The following CYFIP2 variants were observed in gnomAD, a reference collection of about 807,000 sequenced individuals.
CYFIP2 encodes the protein cytoplasmic FMR1 interacting protein 2, also known as cytoplasmic FMR1-interacting protein 2.
A neutral mutation model predicts 158.7 loss-of-function variants in CYFIP2; 29 were observed. The ratio of observed to expected loss-of-function variants is 0.18; its 90% CI spans 0.14 to 0.25. The LOEUF is 0.25. Among genes scored for constraint, CYFIP2 ranks in the 10% least tolerant of loss-of-function variants. The probability of loss-of-function intolerance (pLI) is 1.00; values close to 1 mark genes in which losing one functional copy is unlikely to be tolerated. For missense variants in CYFIP2, 852 were observed against 1,639.5 expected (o/e 0.52, Z 8.29); for synonymous variants, 585 against 617.6 (o/e 0.95, Z 0.78).
chr5:157,353,671 G>A (rs957365515), intron 23 of CYFIP2, among the ~76,000 whole-genome samples: 2 of 152,126 alleles, frequency 1.3e-5, no homozygotes, highest in Non-Finnish European at 2.9e-5. Flanking sequence ...TTTTGCCGTC[G>A]CCTTTATTTA....
intron 23 of CYFIP2, chr5:157,341,878 A>G (rs1486430191): frequency 6.6e-6 from 1 of 152,212 alleles, no homozygotes; most frequent in East Asian, 1.9e-4. Flanking sequence ...TCTGGTCAAG[A>G]CAATTTTCTC....
chr5:157,336,899 G>A (rs114722819), intron 21 of CYFIP2, among the ~76,000 whole-genome samples: 289 of 152,326 alleles, frequency 1.9e-3, no homozygotes, highest in African/African-American at 6.7e-3. Context: ...CAGAAATATC[G>A]TCTGGGTTAC....
At position 157,394,502 on chromosome 5, in the gene CYFIP2, T is replaced by A. The variant is rs1767594602; in HGVS notation, c.*1502T>A. 1 of 152,208 alleles carries A rather than the reference T, an allele frequency of 6.6e-6. No individual in the cohort carries two copies. The allele number at this position is 152,208 out of a possible 1,614,324, so 9.4% of individuals were successfully genotyped here. On this transcript the variant is annotated 3_prime_UTR_variant, in exon 31 of 31. Transcript: ENST00000620254. ...CCTCCGGTGAGGAAAGGGGGCCACA[T>A]ATGAAAGGCCCCTTAGGTCAGATCC... is the stretch of plus-strand genomic sequence containing the variant.
At chr5:157,325,001 A>G (rs1760906888) in intron 16 of CYFIP2, 1 of 151,484 alleles carries the variant, frequency 6.6e-6, no homozygotes, top group Non-Finnish European at 1.5e-5. Context: ...TATTATTATT[A>G]TTATTTTTTG....
chr5:157,319,118 G>C (rs955847102), intron 13 of CYFIP2, among the ~76,000 whole-genome samples: 4 of 152,176 alleles, frequency 2.6e-5, no homozygotes, highest in Admixed American at 2.0e-4. Flanking sequence ...GGTCCCAAAA[G>C]AGCGAGCCAA....
intron 13 of CYFIP2, among the ~76,000 whole-genome samples, chr5:157,316,075 G>C (rs56686215): frequency 0.11 from 17,313 of 151,278 alleles, 1,475 homozygotes; most frequent in East Asian, 0.26. Context: ...GGGCGACAGA[G>C]TGAGACTCTG....
rs1463423086 is a variant in CYFIP2 at position 157,307,119 on chromosome 5, CA to C, written c.796-641del. Among the ~76,000 whole-genome samples the C allele has an allele frequency of 3.3e-5, 5 of 152,296 alleles. No homozygotes were observed. The East Asian group carries it at 9.6e-4, about 29-fold the overall frequency. The stretch of plus-strand genomic sequence containing the variant: ...TTGGAATCAAGAATGTCAACCTACT[CA>C]GAGGGCAAATTCAGGAAGAGATTTT... On this transcript the variant is annotated intron_variant, in intron 8 of 30. Transcript: ENST00000620254.
At chr5:157,348,974 C>T (rs1312064864) in intron 23 of CYFIP2, among the ~76,000 whole-genome samples, 2 of 151,558 alleles carry the variant, frequency 1.3e-5, no homozygotes, top group Non-Finnish European at 2.9e-5. Flanking sequence ...AGCATCCTCC[C>T]CACACCGTGT....
chr5:157,337,888 T>C (rs73304200), intron 21 of CYFIP2, among the ~76,000 whole-genome samples: 2,978 of 152,308 alleles, frequency 0.02, 104 homozygotes, highest in African/African-American at 0.069. Context: ...CAAGAACACA[T>C]GATTTGGAAT....
At position 157,389,424 on chromosome 5, in the gene CYFIP2, CTGAG is replaced by C; in HGVS notation, c.3446+3_3446+6del. ...CCTGTGGGAACCAACGAGTTCACAGCTGAGTGAGTACCCCCCAGAGAAGGCAGGG... is the reference window on the plus strand; with the variant it reads ...CCTGTGGGAACCAACGAGTTCACAGCTGAGTACCCCCCAGAGAAGGCAGGG... On this transcript the variant is annotated splice_donor_variant and coding_sequence_variant, in exon 29 of 31. Coordinates refer to ENST00000620254, the MANE Select transcript of CYFIP2 (RefSeq NM_001037333.3). LOFTEE classifies it high-confidence loss of function. 1 of 1,584,468 alleles carries C rather than the reference CTGAG, an allele frequency of 6.3e-7. No homozygotes were observed. The highest frequency in any genetic ancestry group is 8.6e-7 in the Non-Finnish European group (1 of 1,160,378).
At position 157,389,302 on chromosome 5, in the gene CYFIP2, C is replaced by G. The variant is rs1767019636; in HGVS notation, c.3321C>G (p.Ile1107Met). 5 of 1,613,960 alleles carry G rather than the reference C, an allele frequency of 3.1e-6. No homozygotes were observed. Among genetic ancestry groups the G allele is most frequent in the Non-Finnish European group, 4.2e-6 (5 of 1,179,918 alleles). Residue 1107 changes from isoleucine (I) to methionine (M), a missense_variant, in exon 29 of 31, where the codon ATC (isoleucine) becomes ATG (methionine). Ile to Met is a conservative substitution (Grantham distance 10). Coordinates refer to ENST00000620254, the MANE Select transcript of CYFIP2 (RefSeq NM_001037333.3). The part of the protein sequence containing the change: ...TRIRSYLQDP[I>M]WRGPPPTNGV... ...TTCGGAGCTACCTGCAGGACCCCAT[C>G]TGGCGGGGCCCACCGCCCACCAATG... is the stretch of plus-strand genomic sequence containing the variant.
At chr5:157,358,662 C>T (rs11134720) in intron 23 of CYFIP2, among the ~76,000 whole-genome samples, 32,565 of 152,088 alleles carry the variant, frequency 0.21, 3,851 homozygotes, top group African/African-American at 0.3. Flanking sequence ...GAAAGGATAT[C>T]GGCTGTTTAT....
intron 3 of CYFIP2, among the ~76,000 whole-genome samples, chr5:157,293,001 T>C (rs6887977): frequency 0.29 from 44,086 of 151,260 alleles, 7,205 homozygotes; most frequent in Non-Finnish European, 0.39. Context: ...AGCTGGGATT[T>C]GAGCCCAGAT....
intron 28 of CYFIP2, 98 bp downstream of exon 28, chr5:157,383,457 CAG>C: frequency 9.0e-7 from 1 of 1,113,696 alleles, no homozygotes; most frequent in Non-Finnish European, 1.3e-6. Flanking sequence ...AACTGAGGCT[CAG>C]AGAAGGGAAG....
At chr5:157,339,547 T>C (rs1561743485) in intron 22 of CYFIP2, among the ~76,000 whole-genome samples, 1 of 152,218 alleles carries the variant, frequency 6.6e-6, no homozygotes, top group African/African-American at 2.4e-5. Flanking sequence ...GGGCATGCCA[T>C]GGTGAGCAGA....
chr5:157,386,020 TCAAAG>T (rs1309492073), intron 28 of CYFIP2, among the ~76,000 whole-genome samples: 3 of 151,978 alleles, frequency 2.0e-5, no homozygotes, highest in Admixed American at 6.6e-5. Flanking sequence ...AAGCACATTT[TCAAAG>T]CAAAGAGAAA....
intron 29 of CYFIP2, chr5:157,389,679 C>A: frequency 2.6e-6 from 1 of 387,954 alleles, no homozygotes; most frequent in Non-Finnish European, 4.6e-6. Flanking sequence ...TTTAGGAGTC[C>A]TTAGAGCAGA....
chr5:157,386,563 C>A (rs1766713438), intron 28 of CYFIP2, among the ~76,000 whole-genome samples: 1 of 152,126 alleles, frequency 6.6e-6, no homozygotes, highest in Non-Finnish European at 1.5e-5. Context: ...TACTCATTGA[C>A]CCTTCAGTTA....
Position 157,320,799 on chromosome 5 carries a change from A to T in CYFIP2, c.1668A>T (p.Thr556=). Residue 556 remains threonine, a synonymous_variant, in exon 15 of 31, where the codon ACA becomes ACT. Coordinates refer to ENST00000620254, the MANE Select transcript of CYFIP2 (RefSeq NM_001037333.3). ...GGCGTGCTGTGGGGCCATCCAGCAC[A>T]CAGGTAAGCGGCTCCAGGCACAGGC... ...VPRRAVGPSS[T]QLYMVRTMLE... 1.3e-6 allele frequency: 2 copies of T among 1,583,674 alleles called. No homozygotes were observed. The highest frequency in any genetic ancestry group is 1.7e-6 in the Non-Finnish European group (2 of 1,165,642).
Sources: gnomAD v4.1 joint callset for allele counts (sites outside exome capture counted in the v4.1 genomes callset) on GRCh38, gnomAD v4.1.1 for gene constraint, MANE v1.5 for transcripts, NCBI Gene and HGNC (gene_info 2026-07-23, HGNC 2026-07-21) for gene names.